Variants in IRAG1 observed in about 807,000 individuals in gnomAD.
The protein encoded by IRAG1 is IP3R-associated cGMP kinase substrate.
Under a neutral mutation model 106.2 loss-of-function variants are expected in IRAG1, and 62 were observed. The observed-to-expected ratio is 0.58, with a 90% confidence interval of 0.48 to 0.72. The LOEUF is 0.72. Ranked by LOEUF, IRAG1 falls within the 30% of genes least tolerant of loss-of-function variation. IRAG1 has a pLI of 0.00. For synonymous variants in IRAG1, 462 were observed against 443.9 expected, an observed-to-expected ratio of 1.04 and a Z score of -0.51; for missense variants, 1,064 against 1,140.7, an observed-to-expected ratio of 0.93 and a Z score of 0.97.
intron 1 of IRAG1, chr11:10,652,466 G>A: frequency 1.5e-6 from 1 of 663,594 alleles, no homozygotes; most frequent in East Asian, 3.4e-5. Flanking sequence ...CCTCAAAGCT[G>A]TAGCTAATGG....
intron 2 of IRAG1, among the ~76,000 whole-genome samples, chr11:10,636,106 T>C (rs1857128413): frequency 1.3e-5 from 2 of 152,240 alleles, no homozygotes; most frequent in Non-Finnish European, 2.9e-5. Flanking sequence ...ATTTAACCTC[T>C]CTATGATCCA....
chr11:10,623,697 G>T, intron 10 of IRAG1, 81 bp downstream of exon 10: 2 of 1,274,948 alleles, frequency 1.6e-6, no homozygotes, highest in Non-Finnish European at 2.3e-6. Flanking sequence ...AGGAAGTCTT[G>T]TGTTTACACA....
At chr11:10,653,734 G>C (rs1024729385) in intron 1 of IRAG1, among the ~76,000 whole-genome samples, 2 of 152,198 alleles carry the variant, frequency 1.3e-5, no homozygotes, top group South Asian at 2.1e-4. Flanking sequence ...TCAGTTCACA[G>C]TAGTTCCCAC....
In IRAG1 at chr11:10,576,402, G is replaced by C. The variant is rs764054164; in HGVS notation, c.2669C>G (p.Thr890Ser). ...GGAGTCCCTCTGGGCTGCCGAGCAA[G>C]TGGATCTTCCAAGGGGCCCATCAGC... ...EQADGPLGRS[T>S]CSAAQRDSWW... Residue 890 changes from threonine (T) to serine (S), a missense_variant, in exon 21 of 21, where the codon ACT (threonine) becomes AGT (serine). Physicochemically the swap from Thr to Ser is moderately conservative, Grantham distance 58. Transcript: ENST00000423302. 1.4e-5 allele frequency: 22 copies of C among 1,613,924 alleles called. 1 individual carries two copies. The South Asian group carries it at 2.4e-4, about 18-fold the overall frequency.
chr11:10,625,604 T>C (rs938132092), intron 9 of IRAG1, among the ~76,000 whole-genome samples: 2 of 152,084 alleles, frequency 1.3e-5, no homozygotes, highest in Admixed American at 1.3e-4. Flanking sequence ...GGGCACTCCA[T>C]CAAGGGATTC....
At chr11:10,606,127 C>T (rs1026866838) in intron 12 of IRAG1, among the ~76,000 whole-genome samples, 1 of 152,224 alleles carries the variant, frequency 6.6e-6, no homozygotes, top group African/African-American at 2.4e-5. Flanking sequence ...TACTGTCTGT[C>T]TTCCTCTGCT....
At chr11:10,592,589 G>A (rs1013446107) in intron 17 of IRAG1, among the ~76,000 whole-genome samples, 1 of 152,112 alleles carries the variant, frequency 6.6e-6, no homozygotes, top group African/African-American at 2.4e-5. Flanking sequence ...TCATAGGCAG[G>A]GGATAGAGAA....
At position 10,573,621 on chromosome 11, in the gene IRAG1, G is replaced by A. The variant is rs1339419268; in HGVS notation, c.*2711C>T. 6.6e-6 allele frequency: 1 copy of A among 152,268 alleles called. No individual in the cohort carries two copies. Among genetic ancestry groups the A allele is most frequent in the Non-Finnish European group, 1.5e-5 (1 of 68,100 alleles). 9.4% of individuals were successfully genotyped at this position (152,268 alleles called of 1,614,324 possible). On this transcript the variant is annotated 3_prime_UTR_variant, in exon 21 of 21. Transcript: ENST00000423302. ...ACCTCCCTTGCTTACAAATGGAATA[G>A]GGTGGGAGAGGGCCTGTGCCTGGAA...
chr11:10,652,385 G>C (rs1014370982), intron 1 of IRAG1: 1 of 1,385,566 alleles, frequency 7.2e-7, no homozygotes, highest in African/African-American at 1.5e-5. Context: ...GGTGACCTTA[G>C]AGATTTTGCA....
intron 9 of IRAG1, among the ~76,000 whole-genome samples, chr11:10,625,373 A>G (rs1856161572): frequency 6.6e-6 from 1 of 152,136 alleles, no homozygotes; most frequent in Non-Finnish European, 1.5e-5. Context: ...CATACCCTGC[A>G]TAGGGTGGCA....
chr11:10,594,351 A>G (rs779685140), intron 15 of IRAG1, 156 bp from the exon 16 acceptor site: 3 of 616,638 alleles, frequency 4.9e-6, no homozygotes, highest in African/African-American at 3.7e-5. Flanking sequence ...TTGGCACTTC[A>G]TCCTTTGAGA....
At position 10,629,583 on chromosome 11, in the gene IRAG1, G is replaced by A. The variant is rs769411998; in HGVS notation, c.529C>T (p.Arg177Cys). 4.3e-6 allele frequency: 7 copies of A among 1,613,922 alleles called. No individual in the cohort carries two copies. Among genetic ancestry groups the A allele is most frequent in the South Asian group, 2.2e-5 (2 of 91,080 alleles). Residue 177 changes from arginine to cysteine, a missense_variant, in exon 5 of 21, where the codon CGC becomes TGC. Transcript: ENST00000423302. ...AKLVSERFLT[R>C]RGRKSRSSPG... ...CTGCTCCTGGACTTCCTCCCACGGC[G>A]GGTCAGGAATCGCTCACTCACCAAC...
intron 1 of IRAG1, among the ~76,000 whole-genome samples, chr11:10,672,777 T>C (rs888673434): frequency 2.0e-4 from 30 of 152,180 alleles, no homozygotes; most frequent in African/African-American, 6.5e-4. Flanking sequence ...CCTCAAAAGG[T>C]TGAACATAGG....
In IRAG1 at chr11:10,665,023, C is replaced by T. The variant is rs904390954; in HGVS notation, c.68-12841G>A. On this transcript the variant is annotated intron_variant, in intron 1 of 20. Transcript: ENST00000423302. The surrounding 1 kb of genome is among the most constrained non-coding windows in gnomAD (Gnocchi z 4.2). ...CTTGTACGAGCTTTTTTGGCACTTG[C>T]AATAAAGAGTTCCAACTGGTGCAAA... 2.6e-4 allele frequency among the ~76,000 whole-genome samples: 40 copies of T among 152,262 alleles called. No homozygotes were observed. The highest frequency in any genetic ancestry group is 8.4e-4 in the African/African-American group (35 of 41,530).
At chr11:10,629,393 C>G in intron 5 of IRAG1, 145 bp downstream of exon 5, 1 of 813,740 alleles carries the variant, frequency 1.2e-6, no homozygotes, top group South Asian at 1.9e-5. Flanking sequence ...GAGCCCAGGA[C>G]AGAATCCTGA....
At chr11:10,623,942 C>A in intron 9 of IRAG1, 86 bp from the exon 10 acceptor site, 1 of 1,304,278 alleles carries the variant, frequency 7.7e-7, no homozygotes, top group South Asian at 1.2e-5. Context: ...GTTCTGCGAC[C>A]ACTATCTTAG....
In IRAG1 at chr11:10,652,079, G is replaced by C. The variant is rs760552962; in HGVS notation, c.171C>G (p.Pro57=). ...SQQEAAMPHI[P]EDEEPPGEPQ... is the part of the protein sequence containing the mutation. ...GCTCTCCGGGGGGCTCCTCGTCCTC[G>C]GGAATGTGGGGCATGGCAGCCTCCT... Residue 57 remains proline (P), a synonymous_variant, in exon 2 of 21, where the codon CCC becomes CCG. Transcript: ENST00000423302. The C allele has an allele frequency of 6.9e-6, 11 of 1,602,546 alleles. 1 individual carries two copies. Among genetic ancestry groups the C allele is most frequent in the South Asian group, 2.2e-5 (2 of 88,932 alleles).
At chr11:10,670,913 T>C (rs1320349801) in intron 1 of IRAG1, among the ~76,000 whole-genome samples, 4 of 152,374 alleles carry the variant, frequency 2.6e-5, no homozygotes, top group East Asian at 1.9e-4. Context: ...TTAGAACTGT[T>C]AGAAAATAAA....
At chr11:10,615,437 T>C (rs1161248693) in intron 10 of IRAG1, among the ~76,000 whole-genome samples, 2 of 152,230 alleles carry the variant, frequency 1.3e-5, no homozygotes, top group Non-Finnish European at 2.9e-5. Context: ...ACTGGATATA[T>C]ACCCAAAGGA....
Sources: allele counts gnomAD v4.1 joint callset (sites outside exome capture counted in the v4.1 genomes callset), GRCh38; gene constraint gnomAD v4.1.1; non-coding constraint Gnocchi (gnomAD v3.1); transcripts MANE v1.5; gene names NCBI Gene and HGNC (gene_info 2026-07-23, HGNC 2026-07-21).